CPA6: variants seen among roughly 807,000 people sequenced by gnomAD.
CPA6 encodes the protein carboxypeptidase B.
A neutral mutation model predicts 63.3 loss-of-function variants in CPA6; 58 were observed. The observed-to-expected ratio is 0.92, with a 90% CI of 0.74 to 1.14. CPA6 has a LOEUF of 1.14. Ranked by LOEUF, CPA6 falls within the 50% of genes most tolerant of loss-of-function variation. CPA6 has a pLI of 0.00. For missense variants in CPA6, 565 were observed against 526.6 expected, an observed-to-expected ratio of 1.07 and a Z score of -0.71; for synonymous variants, 185 against 179.0, an observed-to-expected ratio of 1.03 and a Z score of -0.27.
chr8:67,434,884 C>T (rs919753523), intron 8 of CPA6, among the ~76,000 whole-genome samples: 4 of 152,224 alleles, frequency 2.6e-5, no homozygotes, highest in East Asian at 1.9e-4. Context: ...TCCTGACCCC[C>T]CAAGTGGAGG....
intron 1 of CPA6, among the ~76,000 whole-genome samples, chr8:67,675,680 T>C (rs1362096423): frequency 6.6e-6 from 1 of 152,190 alleles, no homozygotes; most frequent in Non-Finnish European, 1.5e-5. Context: ...CCAGTCTGAT[T>C]TGATGTGAGA....
rs113532252 is a variant in CPA6 at position 67,612,546 on chromosome 8, T to G, written c.192+11630A>C. Reference sequence around the variant, plus strand: ...CCCAGATCATAGTCCATATTCAAAATGTAACTGGAATTTGAGAGAGCAGAA... The same window carrying G: ...CCCAGATCATAGTCCATATTCAAAAGGTAACTGGAATTTGAGAGAGCAGAA... On this transcript the variant is annotated intron_variant, in intron 2 of 10. Transcript: ENST00000297770. Among the ~76,000 whole-genome samples, 4 of 152,336 alleles carry G rather than the reference T, an allele frequency of 2.6e-5. 1 individual carries two copies. Among genetic ancestry groups the G allele is most frequent in the African/African-American group, 9.6e-5 (4 of 41,576 alleles).
chr8:67,741,152 G>C (rs149722482), intron 1 of CPA6, among the ~76,000 whole-genome samples: 4 of 152,080 alleles, frequency 2.6e-5, no homozygotes, highest in East Asian at 1.9e-4. Context: ...GACGTGAGAG[G>C]CATCTTCAAT....
At chr8:67,621,918 C>T (rs1462637366) in intron 2 of CPA6, among the ~76,000 whole-genome samples, 3 of 152,108 alleles carry the variant, frequency 2.0e-5, no homozygotes, top group African/African-American at 7.2e-5. Context: ...AAAAAGGGCC[C>T]AATGTAAATG....
intron 1 of CPA6, among the ~76,000 whole-genome samples, chr8:67,682,127 A>G (rs1488253249): frequency 6.6e-6 from 1 of 151,832 alleles, no homozygotes; most frequent in East Asian, 1.9e-4. Flanking sequence ...TTTTTTTTCA[A>G]GCTTCTTGTA....
At chr8:67,547,925 G>A (rs890985780) in intron 2 of CPA6, among the ~76,000 whole-genome samples, 6 of 152,066 alleles carry the variant, frequency 3.9e-5, no homozygotes, top group Admixed American at 1.3e-4. Flanking sequence ...CTTAGACCAC[G>A]TTTTAAAAGG....
intron 8 of CPA6, among the ~76,000 whole-genome samples, chr8:67,461,045 ATTTC>A (rs1349694949): frequency 8.1e-6 from 1 of 123,232 alleles, no homozygotes; most frequent in Non-Finnish European, 1.6e-5. Context: ...GCATAATTCG[ATTTC>A]TTTTTTTTTT....
intron 2 of CPA6, among the ~76,000 whole-genome samples, chr8:67,526,923 C>T (rs1812375673): frequency 6.6e-6 from 1 of 152,068 alleles, no homozygotes; most frequent in Non-Finnish European, 1.5e-5. Flanking sequence ...TTAGCAGCCC[C>T]CCAAGAAACC....
At chr8:67,643,897 A>G (rs1287389190) in intron 1 of CPA6, among the ~76,000 whole-genome samples, 1 of 152,186 alleles carries the variant, frequency 6.6e-6, no homozygotes, top group Non-Finnish European at 1.5e-5. Context: ...AGCGATGTCT[A>G]TAGATCACAT....
intron 8 of CPA6, among the ~76,000 whole-genome samples, chr8:67,480,534 C>T (rs1811335237): frequency 6.6e-6 from 1 of 152,150 alleles, no homozygotes; most frequent in Admixed American, 6.5e-5. Flanking sequence ...ATATTCCATT[C>T]TATAAATATA....
At chr8:67,469,216 T>C (rs1811001164) in intron 8 of CPA6, among the ~76,000 whole-genome samples, 1 of 152,214 alleles carries the variant, frequency 6.6e-6, no homozygotes, top group East Asian at 1.9e-4. Context: ...AGGGTATTTC[T>C]GGATGAGATT....
At chr8:67,538,958 C>T (rs1375455804) in intron 2 of CPA6, among the ~76,000 whole-genome samples, 1 of 152,014 alleles carries the variant, frequency 6.6e-6, no homozygotes, top group Non-Finnish European at 1.5e-5. Context: ...CACGCCCGGC[C>T]CAGTCTGTGT....
At position 67,484,706 on chromosome 8, in the gene CPA6, G is replaced by T; in HGVS notation, c.720C>A (p.Val240=). 1 of 1,601,382 alleles carries T rather than the reference G, an allele frequency of 6.2e-7. No individual in the cohort carries two copies. Among genetic ancestry groups the T allele is most frequent in the Non-Finnish European group, 8.6e-7 (1 of 1,168,942 alleles). Residue 240 remains valine, a synonymous_variant, in exon 7 of 11, where the codon GTC becomes GTA. Coordinates refer to ENST00000297770, the MANE Select transcript of CPA6 (RefSeq NM_020361.5). The stretch of plus-strand genomic sequence containing the variant: ...TGGTCCAACTAAAATGGTATCCATC[G>T]ACGTTAAACACAGGCATGATATAGA... The part of the protein sequence containing the change: ...LYFYIMPVFN[V]DGYHFSWTND...
At chr8:67,574,016 C>A (rs1813558730) in intron 2 of CPA6, among the ~76,000 whole-genome samples, 2 of 151,630 alleles carry the variant, frequency 1.3e-5, no homozygotes, top group African/African-American at 4.8e-5. Flanking sequence ...ATCTATACTA[C>A]CCAAAGTGAT....
chr8:67,488,869 T>C (rs2128961994), intron 6 of CPA6, among the ~76,000 whole-genome samples: 1 of 152,286 alleles, frequency 6.6e-6, no homozygotes, highest in Admixed American at 6.5e-5. Context: ...GTTATTGGTG[T>C]AAGAATGCTT....
At chr8:67,742,883 C>T (rs1817938652) in intron 1 of CPA6, among the ~76,000 whole-genome samples, 1 of 151,928 alleles carries the variant, frequency 6.6e-6, no homozygotes, top group African/African-American at 2.4e-5. Flanking sequence ...TACAATTTTG[C>T]CAGAATTTAT....
At chr8:67,716,697 T>C (rs1817389269) in intron 1 of CPA6, among the ~76,000 whole-genome samples, 1 of 152,234 alleles carries the variant, frequency 6.6e-6, no homozygotes, top group African/African-American at 2.4e-5. Flanking sequence ...TTTTAAATCT[T>C]TGTAGCTATC....
chr8:67,713,552 C>T (rs1287659854), intron 1 of CPA6, among the ~76,000 whole-genome samples: 2 of 152,160 alleles, frequency 1.3e-5, no homozygotes, highest in Non-Finnish European at 2.9e-5. Flanking sequence ...TCTCCCTGCT[C>T]TAGCAATTAG....
chr8:67,488,699 T>C (rs141472190), intron 6 of CPA6, among the ~76,000 whole-genome samples: 4,528 of 152,298 alleles, frequency 0.03, 224 homozygotes, highest in African/African-American at 0.1. Flanking sequence ...GGAATGTTCT[T>C]CCATTTGTTT....
Sources: gnomAD v4.1 joint callset for allele counts (sites outside exome capture counted in the v4.1 genomes callset) on GRCh38, gnomAD v4.1.1 for gene constraint, MANE v1.5 for transcripts, NCBI Gene and HGNC (gene_info 2026-07-23, HGNC 2026-07-21) for gene names.